Variants in SLC9A9 observed in about 807,000 individuals in gnomAD.
SLC9A9 encodes the protein sodium/hydrogen exchanger 9.
Under a neutral mutation model 77.8 loss-of-function variants are expected in SLC9A9, and 62 were observed. That is an observed-to-expected ratio of 0.80 (90% CI 0.65 to 0.98). The LOEUF is 0.98. Among genes scored for constraint, SLC9A9 ranks in the 50% least tolerant of loss-of-function variants. The probability of loss-of-function intolerance (pLI) is 0.00; values close to 1 mark genes in which losing one functional copy is unlikely to be tolerated. For synonymous variants in SLC9A9, 320 were observed against 283.5 expected (o/e 1.13, Z -1.29); for missense variants, 775 against 774.9 (o/e 1.00, Z 0.00).
At chr3:143,395,500 A>G (rs1037317551) in intron 12 of SLC9A9, among the ~76,000 whole-genome samples, 6 of 152,246 alleles carry the variant, frequency 3.9e-5, no homozygotes, top group Non-Finnish European at 7.3e-5. Flanking sequence ...AAACCCTAGA[A>G]GAAAACCTAG....
intron 12 of SLC9A9, among the ~76,000 whole-genome samples, chr3:143,419,594 T>C (rs947203440): frequency 6.6e-6 from 1 of 152,132 alleles, no homozygotes; most frequent in Non-Finnish European, 1.5e-5. Context: ...GTACCATCCA[T>C]CCAGCCAGCT....
chr3:143,467,248 A>G (rs1446859494), intron 11 of SLC9A9, 58 bp from the exon 12 acceptor site: 22 of 1,601,784 alleles, frequency 1.4e-5, no homozygotes, highest in Admixed American at 3.4e-5. Flanking sequence ...TTTCATTTCA[A>G]TGGATTCATC....
chr3:143,843,631 A>G (rs953144179), intron 1 of SLC9A9, among the ~76,000 whole-genome samples: 3 of 152,206 alleles, frequency 2.0e-5, no homozygotes, highest in Non-Finnish European at 2.9e-5. Context: ...GAATTCTAAG[A>G]GGTTTAAATT....
intron 9 of SLC9A9, among the ~76,000 whole-genome samples, chr3:143,534,112 A>G (rs2108624138): frequency 6.6e-6 from 1 of 152,330 alleles, no homozygotes; most frequent in Non-Finnish European, 1.5e-5. Flanking sequence ...CAGTTATTAG[A>G]TGATACTTTG....
At chr3:143,799,614 C>T (rs1344843544) in intron 2 of SLC9A9, among the ~76,000 whole-genome samples, 1 of 152,232 alleles carries the variant, frequency 6.6e-6, no homozygotes, top group African/African-American at 2.4e-5. Context: ...AGGATTCCTC[C>T]TAAGCCATGT....
chr3:143,470,305 C>A (rs758300617), intron 11 of SLC9A9, among the ~76,000 whole-genome samples: 13 of 151,750 alleles, frequency 8.6e-5, no homozygotes, highest in Non-Finnish European at 1.8e-4. Context: ...ATAGTAAAAC[C>A]CTGCCTCTAC....
At chr3:143,594,131 G>GA (rs894031273) in intron 6 of SLC9A9, among the ~76,000 whole-genome samples, 7 of 149,448 alleles carry the variant, frequency 4.7e-5, no homozygotes, top group East Asian at 2.0e-4. Context: ...TGAGGAGAGA[G>GA]AAAAAAAAAA....
At chr3:143,560,349 A>G (rs2037060433) in intron 8 of SLC9A9, among the ~76,000 whole-genome samples, 1 of 152,056 alleles carries the variant, frequency 6.6e-6, no homozygotes, top group Non-Finnish European at 1.5e-5. Flanking sequence ...CCCAAAAGAT[A>G]TTTTTCCCTT....
intron 9 of SLC9A9, among the ~76,000 whole-genome samples, chr3:143,535,980 A>C (rs1267691835): frequency 6.6e-6 from 1 of 152,194 alleles, no homozygotes; most frequent in Non-Finnish European, 1.5e-5. Flanking sequence ...TGACACTGAG[A>C]AGATACTACT....
chr3:143,271,079 C>T (rs944220410), intron 14 of SLC9A9, among the ~76,000 whole-genome samples: 3 of 151,126 alleles, frequency 2.0e-5, no homozygotes, highest in African/African-American at 7.3e-5. Flanking sequence ...ACACTACTTG[C>T]CCCCTAGTCA....
chr3:143,284,772 T>C (rs1938331284), intron 14 of SLC9A9, among the ~76,000 whole-genome samples: 1 of 152,146 alleles, frequency 6.6e-6, no homozygotes, highest in South Asian at 2.1e-4. Flanking sequence ...TGAAGTCTTA[T>C]GGGAACCAGC....
intron 1 of SLC9A9, among the ~76,000 whole-genome samples, chr3:143,838,069 G>T (rs1175960968): frequency 6.6e-6 from 1 of 152,134 alleles, no homozygotes; most frequent in Non-Finnish European, 1.5e-5. Flanking sequence ...GCTTAATTCT[G>T]TTTCTGTCAG....
intron 8 of SLC9A9, among the ~76,000 whole-genome samples, chr3:143,566,168 T>C (rs751905301): frequency 1.3e-5 from 2 of 152,230 alleles, no homozygotes; most frequent in South Asian, 4.1e-4. Flanking sequence ...TATTGCAAAA[T>C]AGACTTTCTC....
intron 4 of SLC9A9, among the ~76,000 whole-genome samples, chr3:143,726,582 T>C (rs992594531): frequency 3.3e-5 from 5 of 152,196 alleles, no homozygotes. Flanking sequence ...ACACAGTATG[T>C]GACACATCCC....
At chr3:143,529,584 C>T (rs2036469147) in intron 9 of SLC9A9, among the ~76,000 whole-genome samples, 1 of 152,186 alleles carries the variant, frequency 6.6e-6, no homozygotes, top group Non-Finnish European at 1.5e-5. Context: ...CTCAAGAAAA[C>T]TTGAGAAGAA....
intron 6 of SLC9A9, among the ~76,000 whole-genome samples, chr3:143,594,907 G>A (rs1423670802): frequency 1.3e-5 from 2 of 152,192 alleles, no homozygotes; most frequent in African/African-American, 2.4e-5. Flanking sequence ...TGTTATCTGG[G>A]AGGAAGTAGT....
intron 2 of SLC9A9, among the ~76,000 whole-genome samples, chr3:143,802,612 T>C (rs2008595023): frequency 6.6e-6 from 1 of 152,162 alleles, no homozygotes; most frequent in East Asian, 1.9e-4. Flanking sequence ...CCCACCTCTA[T>C]ACAGTCCGAT....
At chr3:143,269,064 C>T (rs1937823310) in intron 14 of SLC9A9, 84 bp from the exon 15 acceptor site, 2 of 1,044,292 alleles carry the variant, frequency 1.9e-6, no homozygotes, top group African/African-American at 1.6e-5. Context: ...TATGCTGAGA[C>T]AGCTACGTTT....
At chr3:143,305,068 C>T (rs940056281) in intron 14 of SLC9A9, among the ~76,000 whole-genome samples, 3 of 152,132 alleles carry the variant, frequency 2.0e-5, no homozygotes, top group Admixed American at 2.0e-4. Context: ...TGATTCCCTT[C>T]CATCTACTAA....
Sources: allele counts gnomAD v4.1 joint callset (sites outside exome capture counted in the v4.1 genomes callset), GRCh38; gene constraint gnomAD v4.1.1; transcripts MANE v1.5; gene names NCBI Gene and HGNC (gene_info 2026-07-23, HGNC 2026-07-21).